SLC4A2: variants seen among roughly 807,000 people sequenced by gnomAD.
SLC4A2 encodes the protein solute carrier family 4 member 2, also known as anion exchange protein 2.
A neutral mutation model predicts 115.0 loss-of-function variants in SLC4A2; 36 were observed. The ratio of observed to expected loss-of-function variants is 0.31; its 90% CI spans 0.24 to 0.41. The LOEUF (loss-of-function observed/expected upper bound fraction) is 0.41, where lower values mean the gene tolerates loss of function less well. SLC4A2 is among the 10% of genes least tolerant of loss of function. The probability of loss-of-function intolerance (pLI) is 1.00; values close to 1 mark genes in which losing one functional copy is unlikely to be tolerated. For synonymous variants in SLC4A2, 708 were observed against 708.3 expected (o/e 1.00, Z 0.01); for missense variants, 1,252 against 1,705.6 (o/e 0.73, Z 4.68).
rs1236313687 is a variant in SLC4A2, at chr7:151,074,188, G to A, written c.2685G>A (p.Arg895=). ...GGCAGTCTGGGCAGGGGAAGCCCCG[G>A]GGCCAGCCCAACACGGCCCTGCTGT... ...LAGQSGQGKP[R]GQPNTALLSL... Residue 895 remains arginine (R), a synonymous_variant, in exon 17 of 23, where the codon CGG becomes CGA. Coordinates refer to ENST00000413384, the MANE Select transcript of SLC4A2 (RefSeq NM_003040.4). 1.2e-6 allele frequency: 2 copies of A among 1,612,926 alleles called. No individual in the cohort carries two copies. The highest frequency in any genetic ancestry group is 1.3e-5 in the African/African-American group (1 of 74,942).
rs1035853144 is a variant in SLC4A2, at chr7:151,063,088, G to C, written c.51+1050G>C. The C allele has an allele frequency of 2.6e-6, 4 of 1,523,508 alleles. No homozygotes were observed. In the African/African-American group the frequency reaches 5.6e-5, roughly 21 times the overall value. The allele number at this position is 1,523,508 out of a possible 1,614,324, so 94.4% of individuals were successfully genotyped here. A position where few individuals can be genotyped will look rare whatever the true frequency, so the allele number is the denominator to read the frequency against. ...GTGGGGGGCTGGACCAAGGCTGCCT[G>C]GCCAGGCGGCTGCCGCTTAGCTGGG... On this transcript the variant is annotated intron_variant, in intron 2 of 22. Transcript: ENST00000413384.
chr7:151,058,750 T>C (rs1796960021), upstream of SLC4A2: 1 of 152,290 alleles, frequency 6.6e-6, no homozygotes, highest in East Asian at 1.9e-4. Context: ...CACAGACCGA[T>C]GCTCAACTTG....
At chr7:151,061,166 A>C (rs1797030685) in intron 1 of SLC4A2, 1 of 151,968 alleles carries the variant, frequency 6.6e-6, no homozygotes, top group African/African-American at 2.4e-5. Flanking sequence ...GCAGAACCTC[A>C]AGGTTGCGGT....
intron 19 of SLC4A2, 126 bp downstream of exon 19, chr7:151,074,967 G>A: frequency 9.9e-7 from 1 of 1,014,976 alleles, no homozygotes; most frequent in Non-Finnish European, 1.4e-6. Context: ...ATGCCCAGAT[G>A]GCCACAGTTT....
chr7:151,071,426 A>C lies in SLC4A2; in HGVS notation c.2012A>C (p.Glu671Ala). 6.2e-7 allele frequency: 1 copy of C among 1,603,876 alleles called. No homozygotes were observed. Among genetic ancestry groups the C allele is most frequent in the Middle Eastern group, 1.7e-4 (1 of 6,048 alleles). ...ATGGTAGAGGCGGCAGGGGCAGCTG[A>C]AGATGATCCCCTTCGGCGGACGGGG... ...LQMVEAAGAA[E>A]DDPLRRTGRP... Residue 671 changes from glutamate to alanine, a missense_variant, in exon 14 of 23, where the codon GAA (glutamate) becomes GCA (alanine). Coordinates refer to ENST00000413384, the MANE Select transcript of SLC4A2 (RefSeq NM_003040.4). The surrounding 1 kb of genome is among the most constrained non-coding windows in gnomAD (Gnocchi z 5.5).
intron 7 of SLC4A2, 78 bp downstream of exon 7, chr7:151,067,071 C>G (rs1222463323): frequency 7.0e-7 from 1 of 1,423,530 alleles, no homozygotes; most frequent in Non-Finnish European, 9.5e-7. Context: ...GCTGTAATCT[C>G]AAGCCTCAGG....
At chr7:151,067,244 C>T (rs1002646319) in intron 7 of SLC4A2, among the ~76,000 whole-genome samples, 2 of 152,166 alleles carry the variant, frequency 1.3e-5, no homozygotes, top group African/African-American at 4.8e-5. Context: ...ACCTGCTACG[C>T]CCAGCTAATT....
rs142515597 is a variant in SLC4A2, at chr7:151,064,231, G to T, written c.81G>T (p.Thr27=). ...AGCCAGAGAGCTTGGGCCCTGGGAC[G>T]CCTGGGTTCCCCGAGCAGGAGGAAG... is the stretch of plus-strand genomic sequence containing the variant. ...TPEPESLGPG[T]PGFPEQEEDE... is the part of the protein sequence containing the mutation. The change falls in exon 3 of 23, where the codon ACG becomes ACT. Residue 27 remains threonine, a synonymous_variant. Transcript: ENST00000413384. 1.9e-6 allele frequency: 3 copies of T among 1,612,424 alleles called. No homozygotes were observed. Among genetic ancestry groups the T allele is most frequent in the Non-Finnish European group, 2.5e-6 (3 of 1,179,936 alleles).
intron 16 of SLC4A2, among the ~76,000 whole-genome samples, chr7:151,072,555 T>C (rs1331075082): frequency 6.6e-6 from 1 of 152,176 alleles, no homozygotes. Context: ...CCTCCCAAAA[T>C]GCTGGGATCA....
intron 5 of SLC4A2, among the ~76,000 whole-genome samples, chr7:151,065,471 A>T (rs1563344572): frequency 6.6e-6 from 1 of 152,218 alleles, no homozygotes; most frequent in Non-Finnish European, 1.5e-5. Context: ...GCATGTTGTC[A>T]CTGCACCCAG....
chr7:151,060,253 G>A lies in SLC4A2; in HGVS notation c.-64+491G>A, dbSNP rs897844322. On this transcript the variant is annotated intron_variant, in intron 1 of 22. Coordinates refer to ENST00000413384, the MANE Select transcript of SLC4A2 (RefSeq NM_003040.4). This position sits in a 1 kb window ranked among gnomAD's most constrained non-coding sequence, Gnocchi z 5.9. The stretch of plus-strand genomic sequence containing the variant: ...AAGAGGGAGCAGCTGGGTGGGAATG[G>A]GAAAGATGAGCCCGGAGAGTTGGAC... 2 of 152,360 alleles carry A rather than the reference G, an allele frequency of 1.3e-5. No individual in the cohort carries two copies. The highest frequency in any genetic ancestry group is 1.5e-5 in the Non-Finnish European group (1 of 68,126). The allele number at this position is 152,360 out of a possible 1,614,324, so 9.4% of individuals were successfully genotyped here.
In SLC4A2 at chr7:151,071,330, C is replaced by G; in HGVS notation, c.1975+33C>G. 6.5e-7 allele frequency: 1 copy of G among 1,543,082 alleles called. No homozygotes were observed. Among genetic ancestry groups the G allele is most frequent in the Non-Finnish European group, 8.7e-7 (1 of 1,147,090 alleles). Reference sequence around the variant, plus strand: ...CAGGGCGGGCTGGGGCCAGGGCTGCCTCGAGGGGGTGAGGTGGGCAAGAGG... The same window carrying G: ...CAGGGCGGGCTGGGGCCAGGGCTGCGTCGAGGGGGTGAGGTGGGCAAGAGG... On this transcript the variant is annotated intron_variant, in intron 13 of 22. Transcript: ENST00000413384. The surrounding 1 kb of genome is among the most constrained non-coding windows in gnomAD (Gnocchi z 5.5).
Position 151,071,078 on chromosome 7 carries a change from C to T in SLC4A2, c.1756C>T (p.His586Tyr). The change falls in exon 13 of 23, where the codon CAC becomes TAC. Residue 586 changes from histidine to tyrosine, a missense_variant. Transcript: ENST00000413384. This position sits in a 1 kb window ranked among gnomAD's most constrained non-coding sequence, Gnocchi z 5.5. The part of the protein sequence containing the change: ...ISTLMSDKQF[H>Y]EAAYLADERE... ...CCCCATGCTGCTTTGGCAGCAATTCCACGAGGCAGCCTACCTGGCTGACGA... is the reference window on the plus strand; with the variant it reads ...CCCCATGCTGCTTTGGCAGCAATTCTACGAGGCAGCCTACCTGGCTGACGA... 1 of 1,612,608 alleles carries T rather than the reference C, an allele frequency of 6.2e-7. No individual in the cohort carries two copies. Among genetic ancestry groups the T allele is most frequent in the Non-Finnish European group, 8.5e-7 (1 of 1,179,962 alleles).
rs1385774187 is a variant in SLC4A2, at chr7:151,074,402, C to T, written c.2794C>T (p.Arg932Trp). 2.5e-6 allele frequency: 4 copies of T among 1,613,874 alleles called. No individual in the cohort carries two copies. The highest frequency in any genetic ancestry group is 3.4e-6 in the Non-Finnish European group (4 of 1,180,036). The change falls in exon 18 of 23, where the codon CGG becomes TGG. Residue 932 changes from arginine (R) to tryptophan (W), a missense_variant. Arg to Trp is a moderately radical substitution (Grantham distance 101, BLOSUM62 -3). Coordinates refer to ENST00000413384, the MANE Select transcript of SLC4A2 (RefSeq NM_003040.4). Reference protein sequence around the residue: ...KNSRFFPGRIRRVIGDFGVPI... With the variant: ...KNSRFFPGRIWRVIGDFGVPI... ...AGCGCTGTGCCTGCCCACTCAGATC[C>T]GGCGGGTGATTGGGGACTTTGGGGT...
chr7:151,067,120 G>C lies in SLC4A2; in HGVS notation c.966+127G>C. 3 of 1,028,654 alleles carry C rather than the reference G, an allele frequency of 2.9e-6. No individual in the cohort carries two copies. The South Asian group carries it at 4.8e-5, about 16-fold the overall frequency. 63.7% of individuals were successfully genotyped at this position (1,028,654 alleles called of 1,614,324 possible). A position where few individuals can be genotyped will look rare whatever the true frequency, so the allele number is the denominator to read the frequency against. On this transcript the variant is annotated intron_variant, in intron 7 of 22. Transcript: ENST00000413384. Reference sequence around the variant, plus strand: ...TTTTGTTGTTGTTTGAGACAGTCTCGCTCTGTTGCCCAGGATGGAGTGCAG... The same window carrying C: ...TTTTGTTGTTGTTTGAGACAGTCTCCCTCTGTTGCCCAGGATGGAGTGCAG...
intron 5 of SLC4A2, 100 bp downstream of exon 5, chr7:151,065,066 C>A (rs991398805): frequency 1.1e-6 from 1 of 888,162 alleles, no homozygotes; most frequent in Non-Finnish European, 1.8e-6. Context: ...ATCACCAGGC[C>A]AGGGTTCAAA....
Position 151,076,230 on chromosome 7 carries a change from G to A in SLC4A2, c.3645+44G>A, listed in dbSNP as rs770170049. ...CTCCCCCGGTTCCTCTTGCCTCCCT[G>A]TGGATCTGGAAAGGCCCCCCCACTT... On this transcript the variant is annotated intron_variant, in intron 22 of 22. Coordinates refer to ENST00000413384, the MANE Select transcript of SLC4A2 (RefSeq NM_003040.4). 6.2e-6 allele frequency: 10 copies of A among 1,604,502 alleles called. No homozygotes were observed. The African/African-American group carries it at 1.3e-4, about 21-fold the overall frequency.
intron 16 of SLC4A2, among the ~76,000 whole-genome samples, chr7:151,072,711 A>G (rs1225901056): frequency 6.9e-6 from 1 of 144,952 alleles, no homozygotes; most frequent in Admixed American, 7.0e-5. Context: ...GCTGGAGTGC[A>G]GTTTTGGTGC....
In SLC4A2 at chr7:151,071,444, G is replaced by T. The variant is rs141701173; in HGVS notation, c.2030G>T (p.Arg677Leu). ...GCAGCTGAAGATGATCCCCTTCGGC[G>T]GACGGGGCGGCCCTTTGGGGGGCTG... The part of the protein sequence containing the change: ...AGAAEDDPLR[R>L]TGRPFGGLIR... Residue 677 changes from arginine (R) to leucine (L), a missense_variant, in exon 14 of 23, where the codon CGG (arginine) becomes CTG (leucine). Physicochemically the swap from Arg to Leu is moderately radical, Grantham distance 102. Around this residue, in one of 14 missense-constraint regions of SLC4A2, gnomAD observed 122 missense variants for 116.8 expected, o/e 1.04. Coordinates refer to ENST00000413384, the MANE Select transcript of SLC4A2 (RefSeq NM_003040.4). The surrounding 1 kb of genome is among the most constrained non-coding windows in gnomAD (Gnocchi z 5.5). 3 of 1,606,996 alleles carry T rather than the reference G, an allele frequency of 1.9e-6. No homozygotes were observed. Among genetic ancestry groups the T allele is most frequent in the Non-Finnish European group, 2.5e-6 (3 of 1,179,638 alleles).
Sources: gnomAD v4.1 joint callset for allele counts (sites outside exome capture counted in the v4.1 genomes callset) on GRCh38, gnomAD v4.1.1 for gene constraint, gnomAD v4.1.1 regional missense constraint, Gnocchi (gnomAD v3.1) non-coding constraint, MANE v1.5 for transcripts, NCBI Gene and HGNC (gene_info 2026-07-23, HGNC 2026-07-21) for gene names.